The following DLG2 variants were observed in gnomAD, a reference collection of about 807,000 sequenced individuals.
The protein encoded by DLG2 is discs large MAGUK scaffold protein 2.
A neutral mutation model predicts 132.5 loss-of-function variants in DLG2; 45 were observed. The ratio of observed to expected loss-of-function variants is 0.34; its 90% CI spans 0.27 to 0.44. The LOEUF (loss-of-function observed/expected upper bound fraction) is 0.44, where lower values mean the gene tolerates loss of function less well. Ranked by LOEUF, DLG2 falls within the 20% of genes least tolerant of loss-of-function variation. DLG2 has a pLI of 1.00. For synonymous variants in DLG2, 424 were observed against 419.6 expected, an observed-to-expected ratio of 1.01 and a Z score of -0.13; for missense variants, 1,045 against 1,196.9, an observed-to-expected ratio of 0.87 and a Z score of 1.87.
chr11:85,154,134 A>AG (rs749742582), intron 5 of DLG2, among the ~76,000 whole-genome samples: 6 of 105,912 alleles, frequency 5.7e-5, no homozygotes, highest in Non-Finnish European at 2.0e-5. Context: ...CTTCTTTTGG[A>AG]GAAAAAAAAA....
At chr11:85,302,599 A>T (rs1053712651) in intron 3 of DLG2, among the ~76,000 whole-genome samples, 1 of 151,662 alleles carries the variant, frequency 6.6e-6, no homozygotes, top group Non-Finnish European at 1.5e-5. Context: ...TCTGCCTTAC[A>T]CAGGTGGTGA....
At position 85,525,415 on chromosome 11, in the gene DLG2, A is replaced by G. The variant is rs1159220250; in HGVS notation, c.40+73242T>C. On this transcript the variant is annotated intron_variant, in intron 3 of 27. Coordinates refer to ENST00000376104, the MANE Select transcript of DLG2 (RefSeq NM_001142699.3). ...TATCCTTGTCTGTTCAATATTTACC[A>G]TATATCCTAGCTAGTGTAGTAAAGC... is the stretch of plus-strand genomic sequence containing the variant. Among the ~76,000 whole-genome samples the G allele has an allele frequency of 9.2e-5, 14 of 152,336 alleles. 1 individual carries two copies. In the East Asian group the frequency reaches 2.1e-3, roughly 23 times the overall value.
chr11:85,524,715 A>G (rs1302208337), intron 3 of DLG2, among the ~76,000 whole-genome samples: 1 of 152,180 alleles, frequency 6.6e-6, no homozygotes, highest in Non-Finnish European at 1.5e-5. Flanking sequence ...GTGGGTCTCA[A>G]GCTCCTGGAC....
At chr11:83,684,297 C>T (rs887806635) in intron 18 of DLG2, among the ~76,000 whole-genome samples, 2 of 152,064 alleles carry the variant, frequency 1.3e-5, no homozygotes, top group Non-Finnish European at 2.9e-5. Context: ...TGAGAGCCAT[C>T]AGAAGTAACC....
chr11:85,422,504 T>G (rs1171637775), intron 3 of DLG2, among the ~76,000 whole-genome samples: 1 of 151,638 alleles, frequency 6.6e-6, no homozygotes, highest in Non-Finnish European at 1.5e-5. Flanking sequence ...TTTTGCATTT[T>G]TATAACTGTG....
chr11:85,443,263 A>G (rs1234915300), intron 3 of DLG2, among the ~76,000 whole-genome samples: 1 of 152,204 alleles, frequency 6.6e-6, no homozygotes, highest in Non-Finnish European at 1.5e-5. Flanking sequence ...TGAAGAATTC[A>G]TTGTTGTTCA....
intron 6 of DLG2, among the ~76,000 whole-genome samples, chr11:85,086,018 T>A (rs1056747625): frequency 6.6e-6 from 1 of 152,060 alleles, no homozygotes; most frequent in African/African-American, 2.4e-5. Flanking sequence ...AATGTCTTTA[T>A]CCCCCAAAAA....
At chr11:85,250,643 T>C (rs1406424207) in intron 4 of DLG2, among the ~76,000 whole-genome samples, 1 of 152,146 alleles carries the variant, frequency 6.6e-6, no homozygotes. Context: ...TTCTTGAAGA[T>C]ACAAAGATGA....
intron 3 of DLG2, among the ~76,000 whole-genome samples, chr11:85,340,399 A>G (rs1450246687): frequency 6.6e-6 from 1 of 152,206 alleles, no homozygotes; most frequent in East Asian, 1.9e-4. Context: ...ACAGAAAACC[A>G]AACACTGCAT....
chr11:84,338,392 AT>A (rs536214762), intron 7 of DLG2, among the ~76,000 whole-genome samples: 3 of 151,450 alleles, frequency 2.0e-5, no homozygotes, highest in South Asian at 2.1e-4. Flanking sequence ...TTTATAACTT[AT>A]TTTTTTTTCT....
intron 19 of DLG2, among the ~76,000 whole-genome samples, chr11:83,565,490 T>C (rs560846): frequency 0.72 from 109,443 of 152,138 alleles, 40,035 homozygotes; most frequent in African/African-American, 0.86. Flanking sequence ...TAGAGGCAAC[T>C]TACAAATCAT....
intron 18 of DLG2, among the ~76,000 whole-genome samples, chr11:83,734,785 A>G (rs1566755380): frequency 6.6e-6 from 1 of 152,160 alleles, no homozygotes; most frequent in Non-Finnish European, 1.5e-5. Flanking sequence ...TAGAAACTTC[A>G]GAGGATAATG....
intron 4 of DLG2, among the ~76,000 whole-genome samples, chr11:85,226,657 A>G (rs2152629110): frequency 6.6e-6 from 1 of 152,320 alleles, no homozygotes; most frequent in East Asian, 1.9e-4. Flanking sequence ...AGAGGTTATT[A>G]AAATAATCAA....
At chr11:84,630,423 G>C (rs1201139031) in intron 6 of DLG2, among the ~76,000 whole-genome samples, 1 of 152,088 alleles carries the variant, frequency 6.6e-6, no homozygotes, top group Non-Finnish European at 1.5e-5. Context: ...TTTAGAATTT[G>C]CTGTGCTCTT....
chr11:85,406,986 AAAG>A lies in DLG2; in HGVS notation c.41-121624_41-121622del, dbSNP rs1231120968. Among the ~76,000 whole-genome samples, 25 of 151,876 alleles carry A rather than the reference AAAG, an allele frequency of 1.6e-4. 1 individual carries two copies. On this transcript the variant is annotated intron_variant, in intron 3 of 27. Coordinates refer to ENST00000376104, the MANE Select transcript of DLG2 (RefSeq NM_001142699.3). The stretch of plus-strand genomic sequence containing the variant: ...AGCAGAAACCTGAAGGAGATAGAGA[AAAG>A]AGTCATGGAGATATTGGAGGAAGAA...
intron 17 of DLG2, among the ~76,000 whole-genome samples, chr11:83,810,886 TC>T (rs1346387959): frequency 4.6e-5 from 7 of 152,066 alleles, no homozygotes; most frequent in African/African-American, 1.7e-4. Flanking sequence ...TAAGATGATC[TC>T]CTACTTTATA....
At chr11:84,308,505 G>A (rs888659045) in intron 7 of DLG2, among the ~76,000 whole-genome samples, 3 of 152,220 alleles carry the variant, frequency 2.0e-5, no homozygotes, top group Non-Finnish European at 4.4e-5. Flanking sequence ...GATCCCGCAC[G>A]GGGGCCACAG....
chr11:84,247,796 A>G (rs2097321984), intron 8 of DLG2, among the ~76,000 whole-genome samples: 1 of 152,196 alleles, frequency 6.6e-6, no homozygotes, highest in Non-Finnish European at 1.5e-5. Flanking sequence ...TGTCATTTGC[A>G]TTTGTGCCAA....
At chr11:85,099,343 G>T (rs573226141) in intron 6 of DLG2, among the ~76,000 whole-genome samples, 2 of 152,298 alleles carry the variant, frequency 1.3e-5, no homozygotes, top group Non-Finnish European at 2.9e-5. Flanking sequence ...AGAACAAAAA[G>T]TCAGAACAGT....
Sources: allele counts gnomAD v4.1 joint callset (sites outside exome capture counted in the v4.1 genomes callset), GRCh38; gene constraint gnomAD v4.1.1; transcripts MANE v1.5; gene names NCBI Gene and HGNC (gene_info 2026-07-23, HGNC 2026-07-21).